Variants in UGT1A8 observed in about 807,000 individuals in gnomAD.
UGT1A8 encodes the protein UDP glucuronosyltransferase family 1 member A8.
In UGT1A8, 39 loss-of-function variants were observed where a neutral mutation model predicts 45.3. That is an observed-to-expected ratio of 0.86 (90% confidence interval 0.67 to 1.12). The LOEUF is 1.12. Ranked by LOEUF, UGT1A8 falls within the 50% of genes most tolerant of loss-of-function variation. The pLI is 0.00. For missense variants in UGT1A8, 719 were observed against 664.9 expected (o/e 1.08, Z -0.90); for synonymous variants, 275 against 249.2 (o/e 1.10, Z -0.97).
chr2:233,751,085 CAGG>C (rs1331758725), intron 1 of UGT1A8, among the ~76,000 whole-genome samples: 1 of 151,924 alleles, frequency 6.6e-6, no homozygotes, highest in Non-Finnish European at 1.5e-5. Context: ...TGAAGGCAGC[CAGG>C]AGGAGGGCTT....
intron 1 of UGT1A8, among the ~76,000 whole-genome samples, chr2:233,705,038 A>C (rs1020748374): frequency 6.6e-6 from 1 of 151,956 alleles, no homozygotes; most frequent in Non-Finnish European, 1.5e-5. Context: ...CGGGAGGCTG[A>C]GGCAGGAGAA....
At chr2:233,654,237 T>C (rs2073804448) in intron 1 of UGT1A8, among the ~76,000 whole-genome samples, 1 of 152,200 alleles carries the variant, frequency 6.6e-6, no homozygotes, top group Admixed American at 6.5e-5. Context: ...TATTCTGTGA[T>C]TGTGATTTTT....
chr2:233,746,306 G>A (rs1693354657), intron 1 of UGT1A8, among the ~76,000 whole-genome samples: 2 of 151,750 alleles, frequency 1.3e-5, no homozygotes, highest in Admixed American at 6.5e-5. Flanking sequence ...TTCCCTTGGA[G>A]GGCCCTGTAG....
intron 1 of UGT1A8, chr2:233,755,184 T>C: frequency 8.4e-7 from 1 of 1,195,602 alleles, no homozygotes. Context: ...GGGGTGCCAC[T>C]TGAGCGCCAG....
intron 1 of UGT1A8, among the ~76,000 whole-genome samples, chr2:233,669,900 G>A (rs778502077): frequency 6.6e-6 from 1 of 152,004 alleles, no homozygotes; most frequent in African/African-American, 2.4e-5. Flanking sequence ...GGCCAGGCTG[G>A]TCTCCAACTC....
intron 1 of UGT1A8, chr2:233,718,070 C>G (rs2076625886): frequency 2.9e-6 from 1 of 346,404 alleles, no homozygotes; most frequent in Non-Finnish European, 5.7e-6. Flanking sequence ...TGGGTCCTTG[C>G]TAGGGTTGTC....
intron 1 of UGT1A8, among the ~76,000 whole-genome samples, chr2:233,732,331 T>C (rs2078260984): frequency 6.6e-6 from 1 of 152,256 alleles, no homozygotes; most frequent in Admixed American, 6.5e-5. Flanking sequence ...TTTGTTGCCA[T>C]TGCTTTTGGT....
At chr2:233,765,388 A>G (rs776122608) in intron 1 of UGT1A8, among the ~76,000 whole-genome samples, 14 of 152,254 alleles carry the variant, frequency 9.2e-5, no homozygotes, top group Non-Finnish European at 1.5e-4. Flanking sequence ...TGGATAAAGA[A>G]AATGTGGTAC....
chr2:233,617,943 C>T lies in UGT1A8; in HGVS notation c.236C>T (p.Thr79Ile). ...SLNCTVKTYS[T>I]SYTLEDLDRE... ...AATTGCACAGTGAAGACTTACTCAACCTCATACACTCTGGAGGATCTGGAC... is the reference window on the plus strand; with the variant it reads ...AATTGCACAGTGAAGACTTACTCAATCTCATACACTCTGGAGGATCTGGAC... Residue 79 changes from threonine (T) to isoleucine (I), a missense_variant, in exon 1 of 5, where the codon ACC becomes ATC. Transcript: ENST00000373450. The T allele has an allele frequency of 6.2e-7, 1 of 1,614,154 alleles. No homozygotes were observed. The highest frequency in any genetic ancestry group is 8.5e-7 in the Non-Finnish European group (1 of 1,180,030).
At chr2:233,648,818 A>G (rs1192493963) in intron 1 of UGT1A8, 4 of 1,013,920 alleles carry the variant, frequency 3.9e-6, no homozygotes, top group Non-Finnish European at 5.9e-6. Context: ...TACTTAGAGG[A>G]GCATTTATTT....
chr2:233,772,680 C>G lies in UGT1A8; in HGVS notation c.*121C>G. 6.5e-7 allele frequency: 1 copy of G among 1,530,096 alleles called. No individual in the cohort carries two copies. The highest frequency in any genetic ancestry group is 8.8e-7 in the Non-Finnish European group (1 of 1,141,550). 94.8% of individuals were successfully genotyped at this position (1,530,096 alleles called of 1,614,324 possible). Reference sequence around the variant, plus strand: ...AAGGAAATACTTTGCATAAATTAATCAGCCCCAGAGTGCTTTAAAAAATTC... The same window carrying G: ...AAGGAAATACTTTGCATAAATTAATGAGCCCCAGAGTGCTTTAAAAAATTC... On this transcript the variant is annotated 3_prime_UTR_variant, in exon 5 of 5. Transcript: ENST00000373450.
In UGT1A8 at chr2:233,748,243, C is replaced by T. The variant is rs570859275; in HGVS notation, c.856-18791C>T. Among the ~76,000 whole-genome samples the T allele has an allele frequency of 2.0e-4, 31 of 151,784 alleles. 2 individuals are homozygous for T. Among genetic ancestry groups the T allele is most frequent in the African/African-American group, 6.3e-4 (26 of 41,150 alleles). ...TAAACTGTTAAGGGGTCTCTAGTAGCGTATTTCAGGTTTTAAATGGTCAAT... is the reference window on the plus strand; with the variant it reads ...TAAACTGTTAAGGGGTCTCTAGTAGTGTATTTCAGGTTTTAAATGGTCAAT... On this transcript the variant is annotated intron_variant, in intron 1 of 4. Transcript: ENST00000373450.
At chr2:233,638,865 A>G (rs1190254467) in intron 1 of UGT1A8, among the ~76,000 whole-genome samples, 2 of 152,234 alleles carry the variant, frequency 1.3e-5, no homozygotes, top group East Asian at 1.9e-4. Context: ...AAAATTAGGC[A>G]TGACTTTCAG....
At chr2:233,685,873 A>G (rs548978160) in intron 1 of UGT1A8, among the ~76,000 whole-genome samples, 1 of 152,360 alleles carries the variant, frequency 6.6e-6, no homozygotes, top group African/African-American at 2.4e-5. Flanking sequence ...ACCTAAGACA[A>G]TCAATAATTC....
intron 1 of UGT1A8, among the ~76,000 whole-genome samples, chr2:233,628,164 A>G (rs1444912922): frequency 6.6e-6 from 1 of 152,040 alleles, no homozygotes; most frequent in Non-Finnish European, 1.5e-5. Context: ...TGCAATGTAC[A>G]CTTTGGAAAT....
At chr2:233,703,792 A>T (rs2075753488) in intron 1 of UGT1A8, among the ~76,000 whole-genome samples, 1 of 142,782 alleles carries the variant, frequency 7.0e-6, no homozygotes, top group African/African-American at 2.5e-5. Context: ...CTTGTTTTTA[A>T]TGCAGTCTGA....
At chr2:233,644,936 C>G (rs1283914392) in intron 1 of UGT1A8, among the ~76,000 whole-genome samples, 1 of 152,030 alleles carries the variant, frequency 6.6e-6, no homozygotes, top group East Asian at 1.9e-4. Flanking sequence ...ATTGACAATC[C>G]TTTACATAGA....
rs757687307 is a variant in UGT1A8, at chr2:233,767,853, T to A, written c.992T>A (p.Leu331Gln). The change falls in exon 3 of 5, where the codon CTG (leucine) becomes CAG (glutamine). Residue 331 changes from leucine (L) to glutamine (Q), a missense_variant. Physicochemically the swap from Leu to Gln is moderately radical, Grantham distance 113 (BLOSUM62 -2). Transcript: ENST00000373450. ...DALGKIPQTV[L>Q]WRYTGTRPSN... ...TGCTCTTTTTGCCCCTCCCAGGTCCTGTGGCGGTACACTGGAACCCGACCA... is the reference window on the plus strand; with the variant it reads ...TGCTCTTTTTGCCCCTCCCAGGTCCAGTGGCGGTACACTGGAACCCGACCA... 7.4e-6 allele frequency: 12 copies of A among 1,614,210 alleles called. No homozygotes were observed. Among genetic ancestry groups the A allele is most frequent in the African/African-American group, 1.3e-5 (1 of 75,056 alleles).
chr2:233,743,881 C>T (rs755016650), intron 1 of UGT1A8: 6 of 1,366,984 alleles, frequency 4.4e-6, no homozygotes, highest in Middle Eastern at 4.2e-4. Flanking sequence ...ATGAGGCCTG[C>T]CGGGGCACGT....
Sources: allele counts gnomAD v4.1 joint callset (sites outside exome capture counted in the v4.1 genomes callset), GRCh38; gene constraint gnomAD v4.1.1; transcripts MANE v1.5; gene names NCBI Gene and HGNC (gene_info 2026-07-23, HGNC 2026-07-21).